The following CYTH3 variants were observed in gnomAD, a reference collection of about 807,000 sequenced individuals.
CYTH3 encodes cytohesin 3, also known as cytohesin-3.
In CYTH3, 23 loss-of-function variants were observed where a neutral mutation model predicts 55.1. That is an observed-to-expected ratio of 0.42 (90% CI 0.30 to 0.59). The LOEUF (loss-of-function observed/expected upper bound fraction) is 0.59, where lower values mean the gene tolerates loss of function less well. Ranked by LOEUF, CYTH3 falls within the 20% of genes least tolerant of loss-of-function variation. CYTH3 has a pLI of 0.20. For missense variants in CYTH3, 413 were observed against 524.8 expected, an observed-to-expected ratio of 0.79 and a Z score of 2.08; for synonymous variants, 249 against 194.9, an observed-to-expected ratio of 1.28 and a Z score of -2.31.
intron 4 of CYTH3, among the ~76,000 whole-genome samples, chr7:6,182,136 C>T (rs1412338114): frequency 6.6e-6 from 1 of 152,148 alleles, no homozygotes; most frequent in African/African-American, 2.4e-5. Context: ...CAACCTCCAC[C>T]TCCTGGGTTC....
chr7:6,257,927 G>C (rs1780172440), intron 1 of CYTH3, among the ~76,000 whole-genome samples: 1 of 152,108 alleles, frequency 6.6e-6, no homozygotes, highest in African/African-American at 2.4e-5. Flanking sequence ...CAGGGTGTGG[G>C]CTTGGAAATG....
chr7:6,177,844 A>G lies in CYTH3; in HGVS notation c.347T>C (p.Ile116Thr), dbSNP rs780958252. The change falls in exon 5 of 13, where the codon ATT becomes ACT. Residue 116 changes from isoleucine to threonine, a missense_variant. Transcript: ENST00000350796. ...YKGEGLNKTVIGDYLGERDEF... is the reference protein window; with the variant it reads ...YKGEGLNKTVTGDYLGERDEF... ...TCACCTTTCACCCAGGTAGTCCCCA[A>G]TGACGGTCTTATTTAGGCCTTCTCC... 6.1e-5 allele frequency: 98 copies of G among 1,613,870 alleles called. No homozygotes were observed. The highest frequency in any genetic ancestry group is 1.3e-4 in the Admixed American group (8 of 60,002).
At chr7:6,178,618 C>T (rs1363240354) in intron 4 of CYTH3, among the ~76,000 whole-genome samples, 1 of 152,236 alleles carries the variant, frequency 6.6e-6, no homozygotes, top group Non-Finnish European at 1.5e-5. Flanking sequence ...GTACAGGGAC[C>T]GCCTTCTTGC....
At chr7:6,184,358 C>T (rs1427649495) in intron 4 of CYTH3, among the ~76,000 whole-genome samples, 2 of 151,976 alleles carry the variant, frequency 1.3e-5, no homozygotes, top group East Asian at 3.9e-4. Context: ...CCGCGCCTGG[C>T]CCCCTCTGTG....
chr7:6,196,474 T>C (rs1469580247), intron 1 of CYTH3, among the ~76,000 whole-genome samples: 42 of 149,584 alleles, frequency 2.8e-4, no homozygotes, highest in African/African-American at 9.9e-4. Context: ...TTTTTTTTTT[T>C]TTGAGACGGA....
At position 6,169,855 on chromosome 7, in the gene CYTH3, G is replaced by A. The variant is rs1295313074; in HGVS notation, c.823+680C>T. Among the ~76,000 whole-genome samples the A allele has an allele frequency of 9.9e-5, 15 of 152,068 alleles. No individual in the cohort carries two copies. Among genetic ancestry groups the A allele is most frequent in the Admixed American group, 9.8e-4 (15 of 15,284 alleles). On this transcript the variant is annotated intron_variant, in intron 9 of 12. Transcript: ENST00000350796. This position sits in a 1 kb window ranked among gnomAD's most constrained non-coding sequence, Gnocchi z 4.1. Reference sequence around the variant, plus strand: ...CCTAGAGACACAGGGTGGGGGGCAAGTTGGTTCCCACACAGCATCCCCATG... The same window carrying A: ...CCTAGAGACACAGGGTGGGGGGCAAATTGGTTCCCACACAGCATCCCCATG...
intron 1 of CYTH3, among the ~76,000 whole-genome samples, chr7:6,242,310 T>TCATGATCCACCCGCCTCGGCCTCCCA (rs1205160721): frequency 6.6e-6 from 1 of 151,406 alleles, no homozygotes; most frequent in Non-Finnish European, 1.5e-5. Flanking sequence ...TCTCCTGACG[T>TCATGATCCACCCGCCTCGGCCTCCCA]CATGATCCAC....
At chr7:6,266,494 A>T (rs1014692653) in intron 1 of CYTH3, among the ~76,000 whole-genome samples, 3 of 152,220 alleles carry the variant, frequency 2.0e-5, no homozygotes, top group Non-Finnish European at 4.4e-5. Flanking sequence ...GGCTTCATGT[A>T]CTTAGAATAA....
At chr7:6,202,279 G>A (rs1784073395) in intron 1 of CYTH3, among the ~76,000 whole-genome samples, 1 of 152,160 alleles carries the variant, frequency 6.6e-6, no homozygotes, top group Non-Finnish European at 1.5e-5. Flanking sequence ...GGTCCCAGCT[G>A]CTGCAGCACC....
At chr7:6,176,413 C>G (rs909159206) in intron 5 of CYTH3, among the ~76,000 whole-genome samples, 1 of 151,844 alleles carries the variant, frequency 6.6e-6, no homozygotes, top group Non-Finnish European at 1.5e-5. Flanking sequence ...AGGCGCCCAC[C>G]ACCACACCCA....
rs1378209893 is a variant in CYTH3, at chr7:6,163,228, CCACTT to C, written c.*1711_*1715del. On this transcript the variant is annotated 3_prime_UTR_variant, in exon 13 of 13. Coordinates refer to ENST00000350796, the MANE Select transcript of CYTH3 (RefSeq NM_004227.4). ...CGAAGGGCCCGCAGCCGCTCGGCCT[CCACTT>C]CAAGGCAACTCAAAGAACAGTCTCC... 2 of 152,430 alleles carry C rather than the reference CCACTT, an allele frequency of 1.3e-5. No individual in the cohort carries two copies. Among genetic ancestry groups the C allele is most frequent in the African/African-American group, 2.4e-5 (1 of 41,472 alleles). The allele number at this position is 152,430 out of a possible 1,614,324, so 9.4% of individuals were successfully genotyped here. A position where few individuals can be genotyped will look rare whatever the true frequency, so the allele number is the denominator to read the frequency against.
rs1783138975 is a variant in CYTH3 at position 6,170,321 on chromosome 7, T to C, written c.823+214A>G. 5 of 573,548 alleles carry C rather than the reference T, an allele frequency of 8.7e-6. No individual in the cohort carries two copies. The highest frequency in any genetic ancestry group is 3.8e-5 in the African/African-American group (2 of 53,186). The allele number at this position is 573,548 out of a possible 1,614,324, so 35.5% of individuals were successfully genotyped here. On this transcript the variant is annotated intron_variant, in intron 9 of 12. Transcript: ENST00000350796. The surrounding 1 kb of genome is among the most constrained non-coding windows in gnomAD (Gnocchi z 7.8). ...GGGACGGGCCGTGCAGCCTGGGCGCTACTCTCTGCCGCGGGCATGGCTCTG... is the reference window on the plus strand; with the variant it reads ...GGGACGGGCCGTGCAGCCTGGGCGCCACTCTCTGCCGCGGGCATGGCTCTG...
chr7:6,240,258 G>T (rs1040550135), intron 1 of CYTH3, among the ~76,000 whole-genome samples: 1 of 143,268 alleles, frequency 7.0e-6, no homozygotes, highest in Admixed American at 7.1e-5. Context: ...AGCTGAGATC[G>T]TGCCATTGTA....
At chr7:6,176,753 G>A (rs1489961729) in intron 5 of CYTH3, among the ~76,000 whole-genome samples, 2 of 152,090 alleles carry the variant, frequency 1.3e-5, no homozygotes, top group Admixed American at 6.5e-5. Context: ...TGCCAGCACC[G>A]GGCTGAACAG....
At chr7:6,226,321 C>T (rs1229076873) in intron 1 of CYTH3, among the ~76,000 whole-genome samples, 1 of 152,160 alleles carries the variant, frequency 6.6e-6, no homozygotes, top group African/African-American at 2.4e-5. Context: ...AAGCCTGAAC[C>T]ACATCTCTGT....
chr7:6,267,766 C>G (rs1168136081), intron 1 of CYTH3, among the ~76,000 whole-genome samples: 1 of 152,194 alleles, frequency 6.6e-6, no homozygotes, highest in African/African-American at 2.4e-5. Flanking sequence ...TCATGATCTA[C>G]CCGCCTTGGC....
chr7:6,247,560 C>A (rs2115043421), intron 1 of CYTH3, among the ~76,000 whole-genome samples: 1 of 152,296 alleles, frequency 6.6e-6, no homozygotes, highest in Middle Eastern at 3.4e-3. Context: ...TAAACTTTTG[C>A]TCTTCATGAA....
chr7:6,190,379 C>A, intron 2 of CYTH3, 70 bp downstream of exon 2: 229 of 909,002 alleles, frequency 2.5e-4, no homozygotes, highest in Middle Eastern at 3.6e-4. Context: ...TGTGAGGCTA[C>A]TCTTTTACTA....
intron 1 of CYTH3, among the ~76,000 whole-genome samples, chr7:6,204,182 A>T (rs994817220): frequency 6.6e-6 from 1 of 152,214 alleles, no homozygotes; most frequent in Non-Finnish European, 1.5e-5. Context: ...TAAGCTAACG[A>T]CGCATCTTAC....
Sources: gnomAD v4.1 joint callset for allele counts (sites outside exome capture counted in the v4.1 genomes callset) on GRCh38, gnomAD v4.1.1 for gene constraint, Gnocchi (gnomAD v3.1) non-coding constraint, MANE v1.5 for transcripts, NCBI Gene and HGNC (gene_info 2026-07-23, HGNC 2026-07-21) for gene names.